The following ZNF141 variants were observed in gnomAD, a reference collection of about 807,000 sequenced individuals.
The protein encoded by ZNF141 is zinc finger protein 141 (clone pHZ-44).
A neutral mutation model predicts 11.3 loss-of-function variants in ZNF141; 7 were observed. That is an observed-to-expected ratio of 0.62 (90% CI 0.35 to 1.16). The LOEUF (loss-of-function observed/expected upper bound fraction) is 1.16. Ranked by LOEUF, ZNF141 falls within the 50% of genes most tolerant of loss-of-function variation. The pLI is 0.02. For missense variants in ZNF141, 535 were observed against 554.0 expected (o/e 0.97, Z 0.34); for synonymous variants, 183 against 190.7 (o/e 0.96, Z 0.33).
chr4:361,391 T>G (rs1434692105), intron 3 of ZNF141, among the ~76,000 whole-genome samples: 3 of 151,876 alleles, frequency 2.0e-5, no homozygotes, highest in Non-Finnish European at 2.9e-5. Flanking sequence ...CTTTCTGTTT[T>G]TTTTTTTTTT....
chr4:348,292 G>T (rs1292443134), intron 3 of ZNF141, among the ~76,000 whole-genome samples: 3 of 152,158 alleles, frequency 2.0e-5, no homozygotes, highest in African/African-American at 7.2e-5. Flanking sequence ...TTGCTGTGCT[G>T]TTGATGTCAT....
intron 3 of ZNF141, among the ~76,000 whole-genome samples, chr4:356,413 C>A (rs1721842708): frequency 6.6e-6 from 1 of 151,726 alleles, no homozygotes; most frequent in Non-Finnish European, 1.5e-5. Context: ...GCAACCTTCA[C>A]CTCCCAGATT....
rs1385563488 is a variant in ZNF141 at position 377,904 on chromosome 4, C to G, written c.*4042C>G. On this transcript the variant is annotated 3_prime_UTR_variant, in exon 4 of 4. Coordinates refer to ENST00000240499, the MANE Select transcript of ZNF141 (RefSeq NM_003441.4). ...TTTTAGGCCAGGTGGCGGTGGTTCA[C>G]ACCTGTAATCCCAGCACTTTGGGAG... 1.3e-5 allele frequency: 2 copies of G among 152,158 alleles called. No homozygotes were observed. Among genetic ancestry groups the G allele is most frequent in the African/African-American group, 4.8e-5 (2 of 41,436 alleles). 9.4% of individuals were successfully genotyped at this position (152,158 alleles called of 1,614,324 possible). A position where few individuals can be genotyped will look rare whatever the true frequency, so the allele number is the denominator to read the frequency against.
chr4:383,877 A>G lies in ZNF141; in HGVS notation c.*10015A>G, dbSNP rs1712785863. On this transcript the variant is annotated 3_prime_UTR_variant, in exon 4 of 4. Transcript: ENST00000240499. ...ACCTCAAAAGGAGTACTTAAAACCCAGAAAACATTGTAACCGGGTCCTTGG... is the reference window on the plus strand; with the variant it reads ...ACCTCAAAAGGAGTACTTAAAACCCGGAAAACATTGTAACCGGGTCCTTGG... The G allele has an allele frequency of 6.6e-6, 1 of 152,306 alleles. No individual in the cohort carries two copies. The allele number at this position is 152,306 out of a possible 1,614,324, so 9.4% of individuals were successfully genotyped here.
At chr4:359,006 TA>T (rs1268944073) in intron 3 of ZNF141, among the ~76,000 whole-genome samples, 1 of 152,248 alleles carries the variant, frequency 6.6e-6, no homozygotes, top group Non-Finnish European at 1.5e-5. Context: ...TGATCCTTCA[TA>T]ATCTGTGAAG....
Position 343,874 on chromosome 4 carries a change from G to C in ZNF141, c.96G>C (p.Val32=). 6.2e-7 allele frequency: 1 copy of C among 1,609,542 alleles called. No homozygotes were observed. Residue 32 remains valine, a synonymous_variant, in exon 2 of 4, where the codon GTG becomes GTC. Coordinates refer to ENST00000240499, the MANE Select transcript of ZNF141 (RefSeq NM_003441.4). The part of the protein sequence containing the change: ...DPDQQNLYRD[V]MLENYRNLVS... ...ACCAGCAGAATTTGTATAGAGATGT[G>C]ATGTTGGAGAACTACAGGAACCTGG...
intron 3 of ZNF141, among the ~76,000 whole-genome samples, chr4:347,851 C>CTTT (rs781796028): frequency 7.0e-6 from 1 of 143,024 alleles, no homozygotes; most frequent in Non-Finnish European, 1.5e-5. Flanking sequence ...TGGATATTAA[C>CTTT]TTTTTTTTTT....
In ZNF141 at chr4:373,225, C is replaced by A. The variant is rs1261228205; in HGVS notation, c.788C>A (p.Ala263Asp). Residue 263 changes from alanine to aspartate, a missense_variant, in exon 4 of 4, where the codon GCC (alanine) becomes GAC (aspartate). Physicochemically the swap from Ala to Asp is moderately radical, Grantham distance 126 (BLOSUM62 -2). Coordinates refer to ENST00000240499, the MANE Select transcript of ZNF141 (RefSeq NM_003441.4). ...TATAAATGTGAAGAATGTGGCAAAGCCTTTAATAGGTTCACAACCCTTACT... is the reference window on the plus strand; with the variant it reads ...TATAAATGTGAAGAATGTGGCAAAGACTTTAATAGGTTCACAACCCTTACT... ...KPYKCEECGK[A>D]FNRFTTLTKH... The A allele has an allele frequency of 6.2e-7, 1 of 1,613,938 alleles. No individual in the cohort carries two copies. Among genetic ancestry groups the A allele is most frequent in the Middle Eastern group, 1.6e-4 (1 of 6,062 alleles).
chr4:365,988 A>T (rs1581616918), intron 3 of ZNF141, among the ~76,000 whole-genome samples: 1 of 152,248 alleles, frequency 6.6e-6, no homozygotes, highest in East Asian at 1.9e-4. Context: ...GGATAGTTTG[A>T]TCTGTCTGTT....
chr4:345,800 A>G (rs1189700233), intron 3 of ZNF141, among the ~76,000 whole-genome samples: 2 of 152,178 alleles, frequency 1.3e-5, no homozygotes, highest in Non-Finnish European at 2.9e-5. Context: ...ATAAGCAAAA[A>G]AAGTCCTTGC....
chr4:381,771 C>T lies in ZNF141; in HGVS notation c.*7909C>T, dbSNP rs1712630371. 6.6e-6 allele frequency among the ~76,000 whole-genome samples: 1 copy of T among 151,884 alleles called. No homozygotes were observed. The highest frequency in any genetic ancestry group is 2.4e-5 in the African/African-American group (1 of 41,328). ...TGGGAAGAAAGGAGACTTTTTACAA[C>T]AGAGAATACCCCTATTAAATATGGG... On this transcript the variant is annotated 3_prime_UTR_variant, in exon 4 of 4. Transcript: ENST00000240499.
chr4:365,871 C>T (rs2108718852), intron 3 of ZNF141, among the ~76,000 whole-genome samples: 1 of 152,270 alleles, frequency 6.6e-6, no homozygotes, highest in South Asian at 2.1e-4. Flanking sequence ...AATCAATTTT[C>T]CTAGCACCAA....
intron 1 of ZNF141, among the ~76,000 whole-genome samples, chr4:342,145 A>G (rs1553848562): frequency 6.6e-6 from 1 of 152,198 alleles, no homozygotes; most frequent in Non-Finnish European, 1.5e-5. Context: ...GAAGTATGGG[A>G]CACCTAGTGT....
At chr4:370,333 A>G (rs570409771) in intron 3 of ZNF141, among the ~76,000 whole-genome samples, 38 of 152,216 alleles carry the variant, frequency 2.5e-4, no homozygotes, top group African/African-American at 8.7e-4. Context: ...ATGTATTTTC[A>G]TATCATCATA....
intron 3 of ZNF141, among the ~76,000 whole-genome samples, chr4:344,987 C>T (rs1721252114): frequency 6.6e-6 from 1 of 152,184 alleles, no homozygotes; most frequent in Non-Finnish European, 1.5e-5. Flanking sequence ...CTAATGTCCA[C>T]TTTATCGCTT....
chr4:369,737 G>GAT (rs1342029616), intron 3 of ZNF141, among the ~76,000 whole-genome samples: 13 of 85,072 alleles, frequency 1.5e-4, no homozygotes, highest in Admixed American at 8.2e-4. Context: ...TTCTTAAAGA[G>GAT]ATATATATAT....
rs1712224537 is a variant in ZNF141 at position 373,894 on chromosome 4, A to C, written c.*32A>C. Reference sequence around the variant, plus strand: ...TCCTACAAATGTAAAGAATGTGGCAAACCTTTGGATGATCCACAAACCTTA... The same window carrying C: ...TCCTACAAATGTAAAGAATGTGGCACACCTTTGGATGATCCACAAACCTTA... On this transcript the variant is annotated 3_prime_UTR_variant, in exon 4 of 4. Coordinates refer to ENST00000240499, the MANE Select transcript of ZNF141 (RefSeq NM_003441.4). The C allele has an allele frequency of 6.4e-7, 1 of 1,553,720 alleles. No homozygotes were observed. The highest frequency in any genetic ancestry group is 8.8e-7 in the Non-Finnish European group (1 of 1,139,934).
intron 3 of ZNF141, among the ~76,000 whole-genome samples, chr4:348,836 T>C (rs555740525): frequency 1.1e-3 from 174 of 152,274 alleles, no homozygotes; most frequent in African/African-American, 4.0e-3. Context: ...TTTACAATTG[T>C]GTTTTCTATT....
chr4:365,080 A>C (rs1005380113), intron 3 of ZNF141, among the ~76,000 whole-genome samples: 14 of 152,158 alleles, frequency 9.2e-5, no homozygotes, highest in Non-Finnish European at 2.1e-4. Context: ...TGGCAGGTCA[A>C]TCTCAGACTG....
Sources: allele counts gnomAD v4.1 joint callset (sites outside exome capture counted in the v4.1 genomes callset), GRCh38; gene constraint gnomAD v4.1.1; transcripts MANE v1.5; gene names NCBI Gene and HGNC (gene_info 2026-07-23, HGNC 2026-07-21).